The following HPSE2 variants were observed in gnomAD, a reference collection of about 807,000 sequenced individuals.
The protein encoded by HPSE2 is heparanase 2 (inactive), also known as inactive heparanase-2.
In HPSE2, 38 loss-of-function variants were observed where a neutral mutation model predicts 60.5. The observed-to-expected ratio is 0.63, with a 90% CI of 0.48 to 0.82. HPSE2 has a LOEUF of 0.82. Among genes scored for constraint, HPSE2 ranks in the 40% least tolerant of loss-of-function variants. The pLI is 0.00. For synonymous variants in HPSE2, 295 were observed against 293.2 expected, an observed-to-expected ratio of 1.01 and a Z score of -0.06; for missense variants, 713 against 740.4, an observed-to-expected ratio of 0.96 and a Z score of 0.43.
At chr10:99,069,002 C>A (rs1054031078) in intron 3 of HPSE2, among the ~76,000 whole-genome samples, 1 of 152,114 alleles carries the variant, frequency 6.6e-6, no homozygotes, top group African/African-American at 2.4e-5. Context: ...AGCCAAGTCC[C>A]AGCTGTCTTT....
chr10:98,514,323 TA>T (rs897308046), intron 9 of HPSE2, among the ~76,000 whole-genome samples: 2 of 152,110 alleles, frequency 1.3e-5, no homozygotes, highest in African/African-American at 4.8e-5. Flanking sequence ...TTCAAAGTGA[TA>T]AAAAAATTTT....
chr10:99,018,617 A>C (rs913060530), intron 3 of HPSE2, among the ~76,000 whole-genome samples: 1 of 152,246 alleles, frequency 6.6e-6, no homozygotes, highest in Non-Finnish European at 1.5e-5. Flanking sequence ...AGAGCTTTAA[A>C]AGATGTACAG....
At chr10:99,045,858 C>A (rs1267318349) in intron 3 of HPSE2, among the ~76,000 whole-genome samples, 1 of 152,008 alleles carries the variant, frequency 6.6e-6, no homozygotes, top group Non-Finnish European at 1.5e-5. Context: ...ACCTACCAAC[C>A]AAAAATAGCC....
intron 6 of HPSE2, among the ~76,000 whole-genome samples, chr10:98,669,591 T>C (rs926103849): frequency 1.3e-5 from 2 of 152,136 alleles, no homozygotes; most frequent in South Asian, 4.1e-4. Context: ...ATGGATGTAG[T>C]TTGAGGTCAT....
At chr10:99,128,497 A>G (rs930238685) in intron 3 of HPSE2, among the ~76,000 whole-genome samples, 4 of 152,228 alleles carry the variant, frequency 2.6e-5, no homozygotes, top group African/African-American at 9.6e-5. Context: ...AATACGATGC[A>G]GCCATAAAAA....
At chr10:99,160,726 C>T (rs1846796961) in intron 2 of HPSE2, among the ~76,000 whole-genome samples, 1 of 151,070 alleles carries the variant, frequency 6.6e-6, no homozygotes, top group South Asian at 2.1e-4. Context: ...GGTGAAACCC[C>T]GTCTCTACTA....
chr10:98,574,932 C>T (rs182602792), intron 9 of HPSE2, among the ~76,000 whole-genome samples: 124 of 152,266 alleles, frequency 8.1e-4, no homozygotes, highest in African/African-American at 2.9e-3. Flanking sequence ...GTGGTCTCCA[C>T]AGATTTAGTG....
intron 2 of HPSE2, among the ~76,000 whole-genome samples, chr10:99,182,591 A>G (rs1847818269): frequency 6.6e-6 from 1 of 152,222 alleles, no homozygotes; most frequent in Admixed American, 6.5e-5. Context: ...AAGGCAGTCC[A>G]GGAGATATCT....
intron 3 of HPSE2, among the ~76,000 whole-genome samples, chr10:99,137,558 G>A (rs1195106117): frequency 6.6e-6 from 1 of 152,020 alleles, no homozygotes; most frequent in Non-Finnish European, 1.5e-5. Flanking sequence ...ATAGACCAAT[G>A]GAAAAGAACA....
chr10:98,797,842 TCAAAAAAACAAAAAA>T (rs1565170311), intron 3 of HPSE2, among the ~76,000 whole-genome samples: 2 of 151,076 alleles, frequency 1.3e-5, no homozygotes, highest in African/African-American at 2.4e-5. Context: ...AGACTCCGCC[TCAAAAAAACAAAAAA>T]CAAAAAAACA....
At chr10:98,520,350 C>T (rs7912749) in intron 9 of HPSE2, among the ~76,000 whole-genome samples, 48,282 of 152,108 alleles carry the variant, frequency 0.32, 7,822 homozygotes, top group East Asian at 0.41. Flanking sequence ...TCTCTCCTCG[C>T]TCGTGAGCAG....
chr10:99,221,696 A>C (rs576874373), intron 2 of HPSE2, among the ~76,000 whole-genome samples: 12 of 152,202 alleles, frequency 7.9e-5, no homozygotes, highest in African/African-American at 2.9e-4. Flanking sequence ...ATAAGGTGGA[A>C]TATCCAGAGG....
At chr10:99,064,420 G>A (rs1842546248) in intron 3 of HPSE2, among the ~76,000 whole-genome samples, 1 of 151,820 alleles carries the variant, frequency 6.6e-6, no homozygotes, top group African/African-American at 2.4e-5. Context: ...TAAGTTACTG[G>A]CCAGTTGAAG....
At chr10:99,099,356 G>A (rs1843850385) in intron 3 of HPSE2, among the ~76,000 whole-genome samples, 1 of 152,212 alleles carries the variant, frequency 6.6e-6, no homozygotes, top group Non-Finnish European at 1.5e-5. Context: ...TCCCGCACAT[G>A]GCTCACAGGG....
At chr10:98,790,297 A>G (rs1950627597) in intron 3 of HPSE2, among the ~76,000 whole-genome samples, 1 of 152,238 alleles carries the variant, frequency 6.6e-6, no homozygotes, top group Non-Finnish European at 1.5e-5. Flanking sequence ...AGGAATGCAG[A>G]TATCTCTTCA....
chr10:98,867,087 T>A (rs1311156164), intron 3 of HPSE2, among the ~76,000 whole-genome samples: 1 of 152,092 alleles, frequency 6.6e-6, no homozygotes, highest in Non-Finnish European at 1.5e-5. Flanking sequence ...TTAACAGAGT[T>A]TATAGGTCAT....
At chr10:99,253,146 T>A in the HPSE2 span, among the ~76,000 whole-genome samples, 1 of 152,134 alleles carries the variant, frequency 6.6e-6, no homozygotes, top group Non-Finnish European at 1.5e-5. Flanking sequence ...AAAATTCATA[T>A]GGAACCTAAA....
chr10:99,235,652 TGTCTACAGGCAAGG>T lies in HPSE2; in HGVS notation c.137_150del (p.Pro46GlnfsTer14). ...GTCTTTTCCTTCAAACCTGCAGCTC[TGTCTACAGGCAAGG>T]GTCTCCTGTCTCCAGCCTGGGAGGA... On this transcript the variant is annotated frameshift_variant, in exon 1 of 12. Coordinates refer to ENST00000370552, the MANE Select transcript of HPSE2 (RefSeq NM_021828.5). LOFTEE classifies it high-confidence loss of function. 6.2e-7 allele frequency: 1 copy of T among 1,614,052 alleles called. No homozygotes were observed. The highest frequency in any genetic ancestry group is 8.5e-7 in the Non-Finnish European group (1 of 1,180,018).
the HPSE2 span, among the ~76,000 whole-genome samples, chr10:99,308,951 T>C: frequency 6.6e-6 from 1 of 152,194 alleles, no homozygotes; most frequent in Admixed American, 6.5e-5. Flanking sequence ...TATTTTCACA[T>C]TGAGAAACAG....
Sources: gnomAD v4.1 joint callset for allele counts (sites outside exome capture counted in the v4.1 genomes callset) on GRCh38, gnomAD v4.1.1 for gene constraint, MANE v1.5 for transcripts, NCBI Gene and HGNC (gene_info 2026-07-23, HGNC 2026-07-21) for gene names.